The following SLC36A1 variants were observed in gnomAD, a reference collection of about 807,000 sequenced individuals.
SLC36A1 encodes the protein proton-coupled amino acid transporter 1.
A neutral mutation model predicts 47.5 loss-of-function variants in SLC36A1; 30 were observed. The observed-to-expected ratio is 0.63, with a 90% CI of 0.47 to 0.86. The LOEUF is 0.86. SLC36A1 is among the 40% of genes least tolerant of loss of function. SLC36A1 has a pLI of 0.00. For missense variants in SLC36A1, 517 were observed against 606.0 expected (o/e 0.85, Z 1.54); for synonymous variants, 255 against 249.7 (o/e 1.02, Z -0.20).
the SLC36A1 span, among the ~76,000 whole-genome samples, chr5:151,429,989 A>G: frequency 6.6e-6 from 1 of 152,042 alleles, no homozygotes; most frequent in African/African-American, 2.4e-5. Flanking sequence ...AATTTAAGAG[A>G]TTGATATAGA....
chr5:151,346,219 C>T, the SLC36A1 span, among the ~76,000 whole-genome samples: 1 of 152,202 alleles, frequency 6.6e-6, no homozygotes, highest in African/African-American at 2.4e-5. Flanking sequence ...TTAGCAGTGG[C>T]TGGCCCCAAC....
At chr5:151,458,654 T>G (rs1192723332) in intron 1 of SLC36A1, 134 bp from the exon 2 acceptor site, 3 of 979,088 alleles carry the variant, frequency 3.1e-6, no homozygotes, top group Admixed American at 2.9e-5. Context: ...CCAGGCACTT[T>G]CATACTTAAT....
intron 1 of SLC36A1, among the ~76,000 whole-genome samples, chr5:151,455,967 A>G (rs954456797): frequency 2.0e-5 from 3 of 152,150 alleles, no homozygotes; most frequent in African/African-American, 7.2e-5. Context: ...TTAGTCTAGA[A>G]CCCACATAGC....
At chr5:151,381,177 C>A in the SLC36A1 span, 2 of 438,644 alleles carry the variant, frequency 4.6e-6, no homozygotes, top group Non-Finnish European at 9.1e-6. Flanking sequence ...CTGATGGTGG[C>A]TGTGAGGGAC....
At chr5:151,351,866 C>T in the SLC36A1 span, among the ~76,000 whole-genome samples, 1 of 152,088 alleles carries the variant, frequency 6.6e-6, no homozygotes, top group African/African-American at 2.4e-5. Context: ...AATGATGATG[C>T]AACTCCCCTT....
the SLC36A1 span, chr5:151,545,890 A>G: frequency 6.2e-6 from 10 of 1,614,188 alleles, no homozygotes; most frequent in South Asian, 1.1e-5. Context: ...AATTATGTCA[A>G]CCACCACCAT....
the SLC36A1 span, among the ~76,000 whole-genome samples, chr5:151,423,275 G>A: frequency 3.9e-5 from 6 of 152,152 alleles, no homozygotes; most frequent in Non-Finnish European, 7.3e-5. Context: ...TCTAGCAATT[G>A]CATTCCTTGG....
the SLC36A1 span, chr5:151,505,893 G>A: frequency 6.3e-7 from 1 of 1,598,278 alleles, no homozygotes; most frequent in African/African-American, 1.4e-5. Context: ...GCTGTAACGG[G>A]GTGGGAGAGG....
intron 7 of SLC36A1, chr5:151,470,852 CAG>C (rs1481202863): frequency 6.6e-6 from 1 of 152,234 alleles, no homozygotes; most frequent in African/African-American, 2.4e-5. Flanking sequence ...AGGTCTTCCA[CAG>C]AGAGCAGGTT....
At chr5:151,468,299 T>TAAA (rs1416496652) in intron 7 of SLC36A1, among the ~76,000 whole-genome samples, 13 of 72,498 alleles carry the variant, frequency 1.8e-4, no homozygotes, top group African/African-American at 5.7e-4. Context: ...ATATATTTTA[T>TAAA]ATATATATAT....
intron 2 of SLC36A1, among the ~76,000 whole-genome samples, chr5:151,459,325 C>A (rs1021679898): frequency 6.6e-5 from 10 of 152,264 alleles, no homozygotes; most frequent in Admixed American, 5.9e-4. Flanking sequence ...AATCAGTATT[C>A]ATTTGACTGA....
chr5:151,458,307 TATAC>T lies in SLC36A1; in HGVS notation c.-5-480_-5-477del, dbSNP rs796268512. On this transcript the variant is annotated intron_variant, in intron 1 of 10. Transcript: ENST00000243389. ...GTGTATATATATACATACACGTGTA[TATAC>T]GTATATATATATATATATATATGGG... is the stretch of plus-strand genomic sequence containing the variant. 4.2e-3 allele frequency among the ~76,000 whole-genome samples: 263 copies of T among 63,214 alleles called. 4 individuals carry two copies. Among genetic ancestry groups the T allele is most frequent in the African/African-American group, 0.025 (246 of 9,980 alleles). 41.5% of individuals were successfully genotyped at this position (63,214 alleles called of 152,430 possible). A position where few individuals can be genotyped will look rare whatever the true frequency, so the allele number is the denominator to read the frequency against.
chr5:151,367,198 A>G, the SLC36A1 span, among the ~76,000 whole-genome samples: 1 of 152,268 alleles, frequency 6.6e-6, no homozygotes, highest in African/African-American at 2.4e-5. Flanking sequence ...AGGGTCTGAG[A>G]GCAGAGAACT....
chr5:151,424,941 C>T, the SLC36A1 span, among the ~76,000 whole-genome samples: 1 of 152,068 alleles, frequency 6.6e-6, no homozygotes, highest in East Asian at 1.9e-4. Context: ...ACTGAAAATT[C>T]ATTGAGTTGT....
intron 1 of SLC36A1, among the ~76,000 whole-genome samples, chr5:151,438,981 A>G (rs1271535237): frequency 6.6e-6 from 1 of 152,210 alleles, no homozygotes; most frequent in Non-Finnish European, 1.5e-5. Context: ...TTACACTGCT[A>G]TACTACCCGA....
chr5:151,397,702 T>C, the SLC36A1 span, among the ~76,000 whole-genome samples: 3 of 133,564 alleles, frequency 2.2e-5, no homozygotes, highest in Non-Finnish European at 4.6e-5. Flanking sequence ...AGGCAGAAGT[T>C]GCAGTGAGCT....
intron 8 of SLC36A1, among the ~76,000 whole-genome samples, chr5:151,476,010 T>C (rs1436440140): frequency 2.6e-5 from 4 of 152,276 alleles, no homozygotes; most frequent in Non-Finnish European, 5.9e-5. Context: ...CAGTGGTTTG[T>C]AATAGGAGTC....
chr5:151,396,830 G>A, the SLC36A1 span, among the ~76,000 whole-genome samples: 10 of 152,166 alleles, frequency 6.6e-5, no homozygotes, highest in Non-Finnish European at 1.2e-4. Flanking sequence ...TACAGGTAAG[G>A]AAGCTGAGCC....
chr5:151,458,143 C>T (rs563223791), intron 1 of SLC36A1, among the ~76,000 whole-genome samples: 12 of 151,852 alleles, frequency 7.9e-5, no homozygotes, highest in South Asian at 2.1e-4. Context: ...CCACCACACC[C>T]AGCCCAGAGA....
Sources: allele counts gnomAD v4.1 joint callset (sites outside exome capture counted in the v4.1 genomes callset), GRCh38; gene constraint gnomAD v4.1.1; transcripts MANE v1.5; gene names NCBI Gene and HGNC (gene_info 2026-07-23, HGNC 2026-07-21).